Variants in ROS1 observed in about 807,000 individuals in gnomAD.
The protein encoded by ROS1 is ROS proto-oncogene 1, receptor tyrosine kinase.
In ROS1, 263 loss-of-function variants were observed where a neutral mutation model predicts 273.5. That is an observed-to-expected ratio of 0.96 (90% CI 0.87 to 1.06). ROS1 has a LOEUF of 1.06. Ranked by LOEUF, ROS1 falls within the 50% of genes least tolerant of loss-of-function variation. ROS1 has a pLI of 0.00. For synonymous variants in ROS1, 1,008 were observed against 954.1 expected (o/e 1.06, Z -1.04); for missense variants, 2,833 against 2,751.1 (o/e 1.03, Z -0.67).
At chr6:117,332,907 G>A (rs933028296) in intron 32 of ROS1, among the ~76,000 whole-genome samples, 49 of 152,020 alleles carry the variant, frequency 3.2e-4, no homozygotes, top group African/African-American at 9.7e-4. Context: ...ATCTCAAATC[G>A]TCACCCTAAC....
rs755801647 is a variant in ROS1 at position 117,365,152 on chromosome 6, T to A, written c.3011A>T (p.Glu1004Val). The A allele has an allele frequency of 6.2e-7, 1 of 1,613,102 alleles. No homozygotes were observed. Residue 1004 changes from glutamate to valine, a missense_variant, in exon 21 of 44, where the codon GAA becomes GTA. Transcript: ENST00000368507. ...AGAAAGATTAAATAAGGCATAAGGT[T>A]CCAGTCCTTCCACAGTAAATACAGG... ...SLPVFTVEGL[E>V]PYALFNLSVT... is the part of the protein sequence containing the mutation.
intron 34 of ROS1, among the ~76,000 whole-genome samples, chr6:117,325,625 G>A (rs762371906): frequency 4.6e-5 from 7 of 152,088 alleles, no homozygotes; most frequent in Non-Finnish European, 8.8e-5. Context: ...GCACAGGCAA[G>A]AAATGATACC....
chr6:117,295,318 T>C (rs1774145753), intron 43 of ROS1, among the ~76,000 whole-genome samples: 2 of 152,134 alleles, frequency 1.3e-5, no homozygotes. Context: ...CCTATCTCTC[T>C]ACATATACAA....
At chr6:117,386,117 T>C (rs1231492447) in intron 15 of ROS1, among the ~76,000 whole-genome samples, 1 of 152,258 alleles carries the variant, frequency 6.6e-6, no homozygotes, top group Non-Finnish European at 1.5e-5. Flanking sequence ...AGATCTCATT[T>C]AGTTCCTAAA....
At chr6:117,289,371 T>C (rs1469669389) in intron 43 of ROS1, among the ~76,000 whole-genome samples, 1 of 152,226 alleles carries the variant, frequency 6.6e-6, no homozygotes, top group African/African-American at 2.4e-5. Context: ...ATTTCTACAT[T>C]CAGCCCTGAC....
At chr6:117,404,469 C>T (rs764985158) in intron 5 of ROS1, 41 bp from the exon 6 acceptor site, 2 of 1,597,724 alleles carry the variant, frequency 1.3e-6, no homozygotes, top group Admixed American at 3.4e-5. Flanking sequence ...GCACTCCTGT[C>T]CATCAGCGCA....
intron 6 of ROS1, among the ~76,000 whole-genome samples, chr6:117,403,534 A>G (rs749534813): frequency 1.3e-5 from 2 of 152,164 alleles, no homozygotes; most frequent in African/African-American, 4.8e-5. Flanking sequence ...GTTAGTACAC[A>G]TAGTATCTTG....
intron 4 of ROS1, among the ~76,000 whole-genome samples, chr6:117,413,846 T>C (rs1163132847): frequency 1.3e-5 from 2 of 152,076 alleles, no homozygotes; most frequent in Non-Finnish European, 2.9e-5. Flanking sequence ...CCAGGCATGG[T>C]GGCACATGCC....
intron 1 of ROS1, among the ~76,000 whole-genome samples, chr6:117,423,866 A>G (rs1775943225): frequency 6.6e-6 from 1 of 152,176 alleles, no homozygotes; most frequent in Non-Finnish European, 1.5e-5. Context: ...ATTCAATTGT[A>G]CATTCACTTC....
At chr6:117,412,412 C>A (rs1774983689) in intron 4 of ROS1, among the ~76,000 whole-genome samples, 2 of 152,162 alleles carry the variant, frequency 1.3e-5, no homozygotes, top group African/African-American at 4.8e-5. Context: ...GACAAGCCAT[C>A]TCACTAGCCA....
At chr6:117,371,289 C>A (rs780042427) in intron 18 of ROS1, among the ~76,000 whole-genome samples, 2 of 152,124 alleles carry the variant, frequency 1.3e-5, no homozygotes, top group Admixed American at 6.5e-5. Context: ...TGTCCACCCC[C>A]GAACACACAT....
chr6:117,320,604 A>T (rs187640006), intron 36 of ROS1, among the ~76,000 whole-genome samples: 9 of 152,272 alleles, frequency 5.9e-5, no homozygotes, highest in African/African-American at 2.2e-4. Flanking sequence ...TGAGTAGCAG[A>T]TATGCTGAGT....
At chr6:117,351,234 C>T (rs1778836235) in intron 27 of ROS1, among the ~76,000 whole-genome samples, 1 of 151,242 alleles carries the variant, frequency 6.6e-6, no homozygotes, top group South Asian at 2.3e-4. Context: ...CTTTTCAGTC[C>T]CCCCACCCCA....
chr6:117,346,913 C>T (rs1778425439), intron 27 of ROS1, among the ~76,000 whole-genome samples: 1 of 152,068 alleles, frequency 6.6e-6, no homozygotes, highest in African/African-American at 2.4e-5. Context: ...CCACTTCTTC[C>T]CCCAGCCTTC....
chr6:117,330,078 G>A (rs1480878083), intron 32 of ROS1, among the ~76,000 whole-genome samples: 3 of 152,296 alleles, frequency 2.0e-5, no homozygotes, highest in East Asian at 1.9e-4. Context: ...CTCCCTGGGC[G>A]GCGGGGAGAA....
chr6:117,380,036 T>C (rs1408122425), intron 17 of ROS1, among the ~76,000 whole-genome samples: 1 of 152,152 alleles, frequency 6.6e-6, no homozygotes, highest in African/African-American at 2.4e-5. Context: ...ATGAGACAGA[T>C]AGAAGTTACT....
Position 117,357,947 on chromosome 6 carries a change from GT to G in ROS1, c.3695del (p.His1232ProfsTer6). 1 of 1,613,704 alleles carries G rather than the reference GT, an allele frequency of 6.2e-7. No homozygotes were observed. The highest frequency in any genetic ancestry group is 8.5e-7 in the Non-Finnish European group (1 of 1,179,756). ...TVITIDWISR[H>X]LYFALKESQN... ...GTGATTCTTTCAGTGCAAAGTAGAG[GT>G]GCCTTGAAATCCAGTCAATTGTAAT... On this transcript the variant is annotated frameshift_variant, in exon 25 of 44. Coordinates refer to ENST00000368507, the MANE Select transcript of ROS1 (RefSeq NM_001378902.1). LOFTEE classifies it high-confidence loss of function.
intron 27 of ROS1, among the ~76,000 whole-genome samples, chr6:117,347,245 G>A (rs1214004494): frequency 6.6e-6 from 1 of 151,942 alleles, no homozygotes; most frequent in Admixed American, 6.6e-5. Flanking sequence ...TTTCATCAGG[G>A]TTTTATAGTT....
intron 41 of ROS1, among the ~76,000 whole-genome samples, chr6:117,309,324 C>T (rs1454120619): frequency 2.0e-5 from 3 of 152,222 alleles, no homozygotes; most frequent in South Asian, 4.2e-4. Flanking sequence ...ACACACAACT[C>T]ATACTCTGTT....
Sources: gnomAD v4.1 joint callset for allele counts (sites outside exome capture counted in the v4.1 genomes callset) on GRCh38, gnomAD v4.1.1 for gene constraint, MANE v1.5 for transcripts, NCBI Gene and HGNC (gene_info 2026-07-23, HGNC 2026-07-21) for gene names.